The following ICA1 variants were observed in gnomAD, a reference collection of about 807,000 sequenced individuals.
The protein encoded by ICA1 is 69 kDa islet cell autoantigen.
In ICA1, 40 loss-of-function variants were observed where a neutral mutation model predicts 71.0. That is an observed-to-expected ratio of 0.56 (90% confidence interval 0.44 to 0.73). ICA1 has a LOEUF of 0.73. ICA1 is among the 30% of genes least tolerant of loss of function. The probability of loss-of-function intolerance (pLI) is 0.00; values close to 1 mark genes in which losing one functional copy is unlikely to be tolerated. For synonymous variants in ICA1, 207 were observed against 209.5 expected (o/e 0.99, Z 0.10); for missense variants, 578 against 576.5 (o/e 1.00, Z -0.03).
chr7:8,219,529 C>T (rs999944944), intron 5 of ICA1, among the ~76,000 whole-genome samples: 2 of 152,146 alleles, frequency 1.3e-5, no homozygotes, highest in Non-Finnish European at 2.9e-5. Context: ...TTACTATTTC[C>T]CCTAGTTTTC....
intron 2 of ICA1, among the ~76,000 whole-genome samples, chr7:8,233,660 T>C (rs1389985377): frequency 6.6e-6 from 1 of 152,072 alleles, no homozygotes; most frequent in Non-Finnish European, 1.5e-5. Context: ...CCTCCCAAAC[T>C]GCTGGGATTA....
At position 8,143,770 on chromosome 7, in the gene ICA1, G is replaced by T. The variant is rs796118326; in HGVS notation, c.902+105C>A. The T allele has an allele frequency of 4.2e-6, 3 of 709,978 alleles. No individual in the cohort carries two copies. In the South Asian group the frequency reaches 4.9e-5, roughly 12 times the overall value. The allele number at this position is 709,978 out of a possible 1,614,324, so 44.0% of individuals were successfully genotyped here. On this transcript the variant is annotated intron_variant, in intron 9 of 13. Transcript: ENST00000402384. ...TACATCTACTCTGAGAAGTGAGGAA[G>T]TAAGACAAGTCTGCGTCTGAGGCCC...
Position 8,147,234 on chromosome 7 carries a change from G to A in ICA1, c.805-3262C>T, listed in dbSNP as rs1055728936. On this transcript the variant is annotated intron_variant, in intron 8 of 13. Coordinates refer to ENST00000402384, the MANE Select transcript of ICA1 (RefSeq NM_001136020.3). The stretch of plus-strand genomic sequence containing the variant: ...CTGACCTCCCCTCATAACCACACTT[G>A]AGCAGCTCTCAGACAATCCTTTTGT... Among the ~76,000 whole-genome samples, 7 of 151,968 alleles carry A rather than the reference G, an allele frequency of 4.6e-5. No individual in the cohort carries two copies. The South Asian group carries it at 1.5e-3, about 32-fold the overall frequency.
chr7:8,171,085 A>G (rs1156760594), intron 6 of ICA1, among the ~76,000 whole-genome samples: 1 of 151,926 alleles, frequency 6.6e-6, no homozygotes, highest in African/African-American at 2.4e-5. Context: ...TTCATGAAGG[A>G]CATTAGCTTG....
chr7:8,180,741 A>C (rs547459084), intron 6 of ICA1, among the ~76,000 whole-genome samples: 2 of 152,068 alleles, frequency 1.3e-5, no homozygotes, highest in Admixed American at 1.3e-4. Context: ...ACAGGTGTAC[A>C]TGAAACCATG....
chr7:8,211,703 A>T (rs1431065088), intron 6 of ICA1, among the ~76,000 whole-genome samples: 1 of 152,232 alleles, frequency 6.6e-6, no homozygotes, highest in Non-Finnish European at 1.5e-5. Flanking sequence ...TCTTTTTACC[A>T]CAATTAAAAA....
intron 9 of ICA1, among the ~76,000 whole-genome samples, chr7:8,143,108 T>G (rs1795774821): frequency 6.6e-6 from 1 of 152,220 alleles, no homozygotes; most frequent in Non-Finnish European, 1.5e-5. Context: ...AGGCCATCCA[T>G]TTTGTTTTCC....
In ICA1 at chr7:8,128,078, C is replaced by A. The variant is rs771620177; in HGVS notation, c.1125G>T (p.Leu375=). Residue 375 remains leucine, a synonymous_variant, in exon 13 of 14, where the codon CTG becomes CTT. Coordinates refer to ENST00000402384, the MANE Select transcript of ICA1 (RefSeq NM_001136020.3). ...PEGADKDDLL[L]LSEIFNASSL... is the part of the protein sequence containing the mutation. ...AGGAAGCATTGAAGATCTCACTCAA[C>A]AGCAGCAGGTCATCTTTGTCAGCAC... The A allele has an allele frequency of 1.9e-6, 3 of 1,614,210 alleles. No homozygotes were observed. The highest frequency in any genetic ancestry group is 3.3e-5 in the Admixed American group (2 of 60,032).
chr7:8,215,142 A>ACC (rs996308884), intron 6 of ICA1, among the ~76,000 whole-genome samples: 2 of 151,072 alleles, frequency 1.3e-5, no homozygotes, highest in Non-Finnish European at 3.0e-5. Flanking sequence ...CCTTCCCTAC[A>ACC]CCCTCCCACT....
At chr7:8,147,464 T>C (rs10156091) in intron 8 of ICA1, among the ~76,000 whole-genome samples, 130,590 of 152,058 alleles carry the variant, frequency 0.86, 56,259 homozygotes, top group East Asian at 0.95. Flanking sequence ...TTACTATTAT[T>C]CCTAAAACAA....
chr7:8,138,842 C>A lies in ICA1; in HGVS notation c.1058G>T (p.Gly353Val). 4.4e-6 allele frequency: 7 copies of A among 1,600,852 alleles called. No homozygotes were observed. Among genetic ancestry groups the A allele is most frequent in the Non-Finnish European group, 6.0e-6 (7 of 1,169,278 alleles). ...CCAAAGAAACACATAAATCTTACCA[C>A]CTTCCTCAGATTTCATGTCTAATAG... ...DELLDMKSEE[G>V]ACLGPVAGTP... The change falls in exon 12 of 14, where the codon GGT becomes GTT. Residue 353 changes from glycine (G) to valine (V), a missense_variant and splice_region_variant. Gly to Val is a moderately radical substitution (Grantham distance 109). Transcript: ENST00000402384.
At chr7:8,229,692 G>A (rs1033567538) in intron 3 of ICA1, among the ~76,000 whole-genome samples, 1 of 152,202 alleles carries the variant, frequency 6.6e-6, no homozygotes, top group African/African-American at 2.4e-5. Context: ...ACAGATGCAT[G>A]CATATATACT....
chr7:8,175,529 C>T (rs111878441), intron 6 of ICA1, among the ~76,000 whole-genome samples: 28 of 105,848 alleles, frequency 2.6e-4, no homozygotes, highest in East Asian at 2.2e-3. Flanking sequence ...GGGTTTTTTT[C>T]TTTATATCCA....
At chr7:8,159,411 T>C (rs569056562) in intron 6 of ICA1, among the ~76,000 whole-genome samples, 2 of 152,338 alleles carry the variant, frequency 1.3e-5, no homozygotes, top group Admixed American at 6.5e-5. Context: ...TACGGCTGCA[T>C]TGAAAATTGT....
intron 13 of ICA1, among the ~76,000 whole-genome samples, chr7:8,124,810 A>G (rs1788518210): frequency 6.6e-6 from 1 of 151,176 alleles, no homozygotes; most frequent in Non-Finnish European, 1.5e-5. Flanking sequence ...TCAGAGACAG[A>G]GTCTCCCTCA....
intron 5 of ICA1, among the ~76,000 whole-genome samples, chr7:8,219,488 T>C (rs749785172): frequency 3.9e-5 from 6 of 152,242 alleles, no homozygotes; most frequent in Non-Finnish European, 7.3e-5. Context: ...TTACAAATGG[T>C]GCAATGAACT....
intron 8 of ICA1, among the ~76,000 whole-genome samples, chr7:8,153,616 G>C (rs568876570): frequency 6.6e-6 from 1 of 151,982 alleles, no homozygotes; most frequent in African/African-American, 2.4e-5. Flanking sequence ...TTAAGATAGG[G>C]TACTGCTCTC....
intron 1 of ICA1, among the ~76,000 whole-genome samples, chr7:8,256,774 T>C (rs1810367316): frequency 6.6e-6 from 1 of 152,190 alleles, no homozygotes; most frequent in East Asian, 1.9e-4. Context: ...TTTGCCTCCT[T>C]AGCACCAAGC....
intron 6 of ICA1, among the ~76,000 whole-genome samples, chr7:8,210,642 C>T (rs1269539655): frequency 8.5e-5 from 1 of 11,706 alleles, no homozygotes; most frequent in African/African-American, 4.9e-4. Flanking sequence ...AAGTAGACCA[C>T]AGAGGGGAAA....
Sources: allele counts gnomAD v4.1 joint callset (sites outside exome capture counted in the v4.1 genomes callset), GRCh38; gene constraint gnomAD v4.1.1; transcripts MANE v1.5; gene names NCBI Gene and HGNC (gene_info 2026-07-23, HGNC 2026-07-21).